TENM1: variants seen among roughly 807,000 people sequenced by gnomAD.
TENM1 encodes the protein teneurin transmembrane protein 1.
TENM1 carries 35 observed loss-of-function variants against 174.8 expected under a neutral mutation model. The ratio of observed to expected loss-of-function variants is 0.20; its 90% CI spans 0.15 to 0.27. The LOEUF (loss-of-function observed/expected upper bound fraction) is 0.27, where lower values mean the gene tolerates loss of function less well. Among genes scored for constraint, TENM1 ranks in the 10% least tolerant of loss-of-function variants. The pLI is 1.00. For missense variants in TENM1, 1,633 were observed against 2,130.1 expected (o/e 0.77, Z 4.59); for synonymous variants, 781 against 798.7 (o/e 0.98, Z 0.37).
At chrX:125,038,421 TA>T in the TENM1 span, among the ~76,000 whole-genome samples, 3 of 110,798 alleles carry the variant, frequency 2.7e-5, no homozygotes, top group Non-Finnish European at 5.7e-5. Flanking sequence ...TGATATAGTC[TA>T]AAGATCAAAT....
chrX:124,422,522 T>C, exon 24 of TENM1: 2 of 1,211,499 alleles, frequency 1.7e-6, no homozygotes, highest in Non-Finnish European at 2.2e-6. Context: ...TGGGGCGTCC[T>C]GCGATGATCC....
intron 1 of TENM1, among the ~76,000 whole-genome samples, chrX:124,946,572 T>C (rs6649303): frequency 0.025 from 2,823 of 111,065 alleles, 101 homozygotes; most frequent in African/African-American, 0.088. Flanking sequence ...GCTCAGAATA[T>C]GATATCTTGA....
the TENM1 span, among the ~76,000 whole-genome samples, chrX:125,124,915 A>C: frequency 8.9e-6 from 1 of 112,298 alleles, no homozygotes; most frequent in African/African-American, 3.2e-5. Flanking sequence ...GTGTCCTTGC[A>C]TAAAAGTGTT....
At chrX:124,929,276 T>C (rs1343885020) in intron 1 of TENM1, among the ~76,000 whole-genome samples, 1 of 112,166 alleles carries the variant, frequency 8.9e-6, no homozygotes, top group Non-Finnish European at 1.9e-5. Flanking sequence ...TATAGCCTTG[T>C]CACTATTTTA....
intron 11 of TENM1, among the ~76,000 whole-genome samples, chrX:124,589,047 G>A (rs1410276248): frequency 9.2e-6 from 1 of 108,400 alleles, no homozygotes; most frequent in Non-Finnish European, 1.9e-5. Context: ...GTCACAGATC[G>A]CTTTTATTAT....
intron 1 of TENM1, among the ~76,000 whole-genome samples, chrX:124,918,218 C>T (rs1304220885): frequency 9.3e-6 from 1 of 108,097 alleles, no homozygotes; most frequent in Non-Finnish European, 1.9e-5. Context: ...CTGGCTCTGT[C>T]ACCCAGGCTA....
chrX:125,053,384 T>C, the TENM1 span, among the ~76,000 whole-genome samples: 2 of 112,225 alleles, frequency 1.8e-5, no homozygotes, highest in Non-Finnish European at 3.8e-5. Flanking sequence ...TGAAAAAAAA[T>C]TGGGAACTAT....
At chrX:125,188,041 G>T in the TENM1 span, among the ~76,000 whole-genome samples, 2 of 111,703 alleles carry the variant, frequency 1.8e-5, no homozygotes, top group Non-Finnish European at 3.8e-5. Context: ...TTTAGAAAAG[G>T]CAGTGTGGGC....
intron 18 of TENM1, among the ~76,000 whole-genome samples, chrX:124,504,006 T>C (rs937086362): frequency 1.8e-5 from 2 of 111,765 alleles, no homozygotes; most frequent in African/African-American, 6.5e-5. Flanking sequence ...GGTTGGAGGC[T>C]GTGCTGTAAA....
chrX:124,897,840 A>G (rs1481675705), intron 1 of TENM1, among the ~76,000 whole-genome samples: 1 of 112,571 alleles, frequency 8.9e-6, no homozygotes, highest in Non-Finnish European at 1.9e-5. Flanking sequence ...CTTGTCAAAC[A>G]TAACATTTTA....
chrX:125,072,409 G>A, the TENM1 span, among the ~76,000 whole-genome samples: 1 of 111,825 alleles, frequency 8.9e-6, no homozygotes, highest in Non-Finnish European at 1.9e-5. Context: ...GCCATCTACT[G>A]TAATTTGTCG....
intron 3 of TENM1, among the ~76,000 whole-genome samples, chrX:124,824,599 A>G (rs2056113503): frequency 1.8e-5 from 2 of 111,796 alleles, no homozygotes; most frequent in Admixed American, 9.5e-5. Flanking sequence ...AGGTAATAAC[A>G]TTTTCCATTT....
intron 5 of TENM1, among the ~76,000 whole-genome samples, chrX:124,704,284 T>C (rs1039403085): frequency 4.5e-5 from 5 of 112,090 alleles, no homozygotes; most frequent in Non-Finnish European, 9.4e-5. Flanking sequence ...AATACACACA[T>C]TTCTTAAGTC....
chrX:125,055,481 C>CT, the TENM1 span, among the ~76,000 whole-genome samples: 2 of 111,659 alleles, frequency 1.8e-5, no homozygotes, highest in Admixed American at 9.6e-5. Context: ...ATTAGGAGTT[C>CT]CTGAAGGGCA....
chrX:124,813,763 G>A (rs891888127), intron 3 of TENM1, among the ~76,000 whole-genome samples: 2 of 110,896 alleles, frequency 1.8e-5, no homozygotes, highest in Non-Finnish European at 3.8e-5. Flanking sequence ...GGCTTTCAGA[G>A]AAACTGGGGT....
intron 3 of TENM1, among the ~76,000 whole-genome samples, chrX:124,804,816 T>A (rs1397518042): frequency 4.5e-5 from 5 of 112,100 alleles, no homozygotes; most frequent in Admixed American, 9.5e-5. Context: ...CAAGTAGTTA[T>A]TGAGTGCTTG....
At chrX:124,668,412 C>G in intron 6 of TENM1, among the ~76,000 whole-genome samples, 1 of 111,802 alleles carries the variant, frequency 8.9e-6, no homozygotes, top group Admixed American at 9.5e-5. Context: ...ATGTTTACTG[C>G]GGCACTATTC....
At chrX:125,055,111 T>C in the TENM1 span, among the ~76,000 whole-genome samples, 376 of 111,592 alleles carry the variant, frequency 3.4e-3, no homozygotes, top group African/African-American at 0.012. Flanking sequence ...CATAAGCAAA[T>C]TATATATTAA....
At chrX:125,051,935 A>C in the TENM1 span, among the ~76,000 whole-genome samples, 1 of 108,706 alleles carries the variant, frequency 9.2e-6, no homozygotes, top group African/African-American at 3.4e-5. Context: ...AAATTTTTGC[A>C]ACCTTCTCAT....
Sources: allele counts gnomAD v4.1 joint callset (sites outside exome capture counted in the v4.1 genomes callset), GRCh38; gene constraint gnomAD v4.1.1; transcripts MANE v1.5; gene names NCBI Gene and HGNC (gene_info 2026-07-23, HGNC 2026-07-21).